Variants in CIMAP1D observed in about 807,000 individuals in gnomAD.
The protein encoded by CIMAP1D is CIMAP1 family member D, also known as protein CIMAP1D.
chr19:471,013 C>T, the CIMAP1D span, among the ~76,000 whole-genome samples: 4 of 152,268 alleles, frequency 2.6e-5, no homozygotes, highest in Non-Finnish European at 5.9e-5. Context: ...CCCTGTGAGA[C>T]GGGCCAGGCC....
At chr19:469,482 G>A in the CIMAP1D span, among the ~76,000 whole-genome samples, 1 of 152,098 alleles carries the variant, frequency 6.6e-6, no homozygotes, top group Non-Finnish European at 1.5e-5. Context: ...CTGAGGTCAC[G>A]AGTTCGAGAC....
chr19:475,048 C>A, the CIMAP1D span: 1 of 306,320 alleles, frequency 3.3e-6, no homozygotes, highest in Non-Finnish European at 6.0e-6. Flanking sequence ...CTCCCGGGAG[C>A]CGGCAGAGCT....
At chr19:483,670 A>G in the CIMAP1D span, among the ~76,000 whole-genome samples, 40,726 of 151,910 alleles carry the variant, frequency 0.27, 5,416 homozygotes, top group East Asian at 0.28. Context: ...GGCCGGGACC[A>G]CCCCACCTGG....
chr19:476,342 C>T, the CIMAP1D span, among the ~76,000 whole-genome samples: 1 of 151,846 alleles, frequency 6.6e-6, no homozygotes, highest in African/African-American at 2.4e-5. Flanking sequence ...TGTGAGCCAC[C>T]GCGCCCAGCC....
At chr19:468,773 C>T in the CIMAP1D span, among the ~76,000 whole-genome samples, 6 of 152,312 alleles carry the variant, frequency 3.9e-5, no homozygotes, top group African/African-American at 1.2e-4. Context: ...CAGTGAGCCA[C>T]GGGTGAGGGA....
the CIMAP1D span, chr19:463,705 A>G: frequency 1.6e-6 from 2 of 1,249,220 alleles, no homozygotes; most frequent in South Asian, 2.9e-5. Context: ...CAGGTGTCCT[A>G]GAAGGACCTG....
At chr19:466,822 G>A in the CIMAP1D span, among the ~76,000 whole-genome samples, 1 of 99,954 alleles carries the variant, frequency 1.0e-5, no homozygotes. Context: ...GTGGAAGGAT[G>A]GGTGGATAGA....
chr19:464,840 C>T, the CIMAP1D span, among the ~76,000 whole-genome samples: 110,456 of 151,988 alleles, frequency 0.73, 41,019 homozygotes, highest in East Asian at 0.99. Flanking sequence ...AGTGGTTGAG[C>T]GGGGAGTGAA....
chr19:467,046 T>A, the CIMAP1D span, among the ~76,000 whole-genome samples: 1 of 67,324 alleles, frequency 1.5e-5, no homozygotes, highest in African/African-American at 6.8e-5. Context: ...GAAGGATGGG[T>A]GGATAGATGG....
At chr19:474,791 C>T in the CIMAP1D span, 1 of 1,412,544 alleles carries the variant, frequency 7.1e-7, no homozygotes, top group South Asian at 1.5e-5. Context: ...GGGCCTGGTG[C>T]TACCTTCTGA....
chr19:480,784 G>A, the CIMAP1D span, among the ~76,000 whole-genome samples: 5 of 118,652 alleles, frequency 4.2e-5, no homozygotes, highest in East Asian at 3.1e-4. Flanking sequence ...CGATGATGGA[G>A]AATGATGATG....
chr19:466,509 T>G, the CIMAP1D span, among the ~76,000 whole-genome samples: 1 of 147,064 alleles, frequency 6.8e-6, no homozygotes, highest in African/African-American at 2.5e-5. Context: ...AGGTAGATGG[T>G]GGATGGATGG....
chr19:477,699 G>A, the CIMAP1D span, among the ~76,000 whole-genome samples: 1 of 152,200 alleles, frequency 6.6e-6, no homozygotes, highest in East Asian at 1.9e-4. Flanking sequence ...GTCTCGCTCT[G>A]TCGCCCAGGC....
At chr19:473,192 G>T in the CIMAP1D span, among the ~76,000 whole-genome samples, 1 of 50,826 alleles carries the variant, frequency 2.0e-5, no homozygotes, top group Non-Finnish European at 3.5e-5. Context: ...AGAGATACAC[G>T]GTCACAGATG....
the CIMAP1D span, chr19:472,581 A>G: frequency 9.7e-7 from 1 of 1,036,020 alleles, no homozygotes; most frequent in Non-Finnish European, 1.4e-6. Flanking sequence ...CCTGAGCCTT[A>G]GCCTGGGTTC....
chr19:488,429 G>A, the CIMAP1D span, among the ~76,000 whole-genome samples: 1 of 152,248 alleles, frequency 6.6e-6, no homozygotes. Context: ...GGCTGAGGCA[G>A]GAGAATGGCG....
the CIMAP1D span, among the ~76,000 whole-genome samples, chr19:469,690 CAAAAAG>C: frequency 1.6e-3 from 238 of 151,422 alleles, no homozygotes; most frequent in African/African-American, 4.2e-3. Flanking sequence ...GACTCAGTCT[CAAAAAG>C]AAAAAGAAAA....
chr19:485,686 C>A, the CIMAP1D span, among the ~76,000 whole-genome samples: 1 of 152,214 alleles, frequency 6.6e-6, no homozygotes, highest in African/African-American at 2.4e-5. Context: ...GACATTCTTT[C>A]CTAAAACACA....
chr19:468,236 T>C, the CIMAP1D span, among the ~76,000 whole-genome samples: 6 of 152,060 alleles, frequency 3.9e-5, no homozygotes, highest in Non-Finnish European at 7.3e-5. Context: ...CATGTTGACA[T>C]GCACCTGGGG....
Sources: allele counts gnomAD v4.1 joint callset (sites outside exome capture counted in the v4.1 genomes callset), GRCh38; gene constraint gnomAD v4.1.1; transcripts MANE v1.5; gene names NCBI Gene and HGNC (gene_info 2026-07-23, HGNC 2026-07-21).